PSAT1: variants seen among roughly 807,000 people sequenced by gnomAD.
PSAT1 encodes phosphoserine aminotransferase.
A neutral mutation model predicts 40.3 loss-of-function variants in PSAT1; 41 were observed. The observed-to-expected ratio is 1.02, with a 90% CI of 0.79 to 1.32. The LOEUF is 1.32. PSAT1 is among the 40% of genes most tolerant of loss of function. The pLI is 0.00. For missense variants in PSAT1, 406 were observed against 455.8 expected (o/e 0.89, Z 0.99); for synonymous variants, 147 against 170.5 (o/e 0.86, Z 1.07).
At chr9:78,302,824 C>T (rs1260817820) in intron 3 of PSAT1, among the ~76,000 whole-genome samples, 1 of 149,766 alleles carries the variant, frequency 6.7e-6, no homozygotes, top group African/African-American at 2.5e-5. Context: ...TTATTTTTAA[C>T]AGGCTCTTTG....
At chr9:78,307,297 G>C (rs1828198546) in intron 5 of PSAT1, among the ~76,000 whole-genome samples, 1 of 152,166 alleles carries the variant, frequency 6.6e-6, no homozygotes, top group African/African-American at 2.4e-5. Flanking sequence ...TGTACTATTT[G>C]TCCTTTTGTG....
At chr9:78,323,685 A>G (rs1828459603) in intron 7 of PSAT1, among the ~76,000 whole-genome samples, 1 of 152,238 alleles carries the variant, frequency 6.6e-6, no homozygotes, top group Non-Finnish European at 1.5e-5. Context: ...ACATGTGTAT[A>G]TCTAAAATGA....
chr9:78,310,196 C>T (rs565087809), intron 6 of PSAT1, among the ~76,000 whole-genome samples: 13 of 152,276 alleles, frequency 8.5e-5, no homozygotes, highest in African/African-American at 2.9e-4. Flanking sequence ...ATCCTCCCAA[C>T]TACCCTAGTA....
rs1420720400 is a variant in PSAT1, at chr9:78,300,585, C to G, written c.61-17C>G. On this transcript the variant is annotated splice_polypyrimidine_tract_variant and intron_variant, in intron 1 of 8. Transcript: ENST00000376588. Reference sequence around the variant, plus strand: ...GAACATATTTAAATAACCCTATTTTCCTTTATTTTTTTCTAGGTGTTGTTA... The same window carrying G: ...GAACATATTTAAATAACCCTATTTTGCTTTATTTTTTTCTAGGTGTTGTTA... 1.2e-6 allele frequency: 2 copies of G among 1,606,104 alleles called. No homozygotes were observed. Among genetic ancestry groups the G allele is most frequent in the African/African-American group, 2.7e-5 (2 of 74,394 alleles).
Position 78,304,859 on chromosome 9 carries a change from G to A in PSAT1, c.316G>A (p.Ala106Thr), listed in dbSNP as rs767276592. The A allele has an allele frequency of 3.7e-6, 6 of 1,614,160 alleles. No homozygotes were observed. The Middle Eastern group carries it at 5.0e-4, about 134-fold the overall frequency. The change falls in exon 4 of 9, where the codon GCT becomes ACT. Residue 106 changes from alanine to threonine, a missense_variant. Coordinates refer to ENST00000376588, the MANE Select transcript of PSAT1 (RefSeq NM_058179.4). Reference sequence around the variant, plus strand: ...GTGTGCTGACTATGTGGTGACAGGAGCTTGGTCAGCTAAGGCCGCAGAAGA... The same window carrying A: ...GTGTGCTGACTATGTGGTGACAGGAACTTGGTCAGCTAAGGCCGCAGAAGA... Reference protein sequence around the residue: ...GRCADYVVTGAWSAKAAEEAK... With the variant: ...GRCADYVVTGTWSAKAAEEAK...
At chr9:78,308,160 A>G (rs1381232798) in intron 5 of PSAT1, among the ~76,000 whole-genome samples, 1 of 152,218 alleles carries the variant, frequency 6.6e-6, no homozygotes, top group Non-Finnish European at 1.5e-5. Flanking sequence ...AATATGTGCC[A>G]GGACTTTGCA....
intron 6 of PSAT1, among the ~76,000 whole-genome samples, chr9:78,314,604 T>G (rs11137601): frequency 0.29 from 43,241 of 151,504 alleles, 6,339 homozygotes; most frequent in East Asian, 0.42. Flanking sequence ...GCCTCTTGTT[T>G]AGGCTTCATA....
At chr9:78,315,532 T>C (rs530688107) in intron 6 of PSAT1, among the ~76,000 whole-genome samples, 1 of 152,362 alleles carries the variant, frequency 6.6e-6, no homozygotes, top group East Asian at 1.9e-4. Context: ...GCTGTGGATA[T>C]TCTCAGGGGC....
intron 7 of PSAT1, among the ~76,000 whole-genome samples, chr9:78,327,430 G>A (rs1053228173): frequency 7.2e-5 from 11 of 152,078 alleles, no homozygotes; most frequent in African/African-American, 2.7e-4. Context: ...TTTTTAAATG[G>A]GCCACAAAAA....
chr9:78,329,466 T>G lies in PSAT1; in HGVS notation c.*380T>G. 1.3e-4 allele frequency: 35 copies of G among 266,904 alleles called. No homozygotes were observed. Among genetic ancestry groups the G allele is most frequent in the South Asian group, 2.8e-4 (7 of 24,772 alleles). The allele number at this position is 266,904 out of a possible 1,614,324, so 16.5% of individuals were successfully genotyped here. A position where few individuals can be genotyped will look rare whatever the true frequency, so the allele number is the denominator to read the frequency against. On this transcript the variant is annotated 3_prime_UTR_variant, in exon 9 of 9. Coordinates refer to ENST00000376588, the MANE Select transcript of PSAT1 (RefSeq NM_058179.4). ...CAGCACAGAGGGTAGGGGGGCCCTCTAGGTGCTGAATCTACACATCTGTGG... is the reference window on the plus strand; with the variant it reads ...CAGCACAGAGGGTAGGGGGGCCCTCGAGGTGCTGAATCTACACATCTGTGG...
chr9:78,324,083 G>A (rs4877586), intron 7 of PSAT1, among the ~76,000 whole-genome samples: 72,118 of 151,942 alleles, frequency 0.47, 18,311 homozygotes, highest in Non-Finnish European at 0.58. Context: ...GGAAAGTCCC[G>A]GTGTGTCCCT....
In PSAT1 at chr9:78,317,815, G is replaced by A. The variant is rs1349869060; in HGVS notation, c.869+11G>A. ...TCAAGGATTCTACGTGTAAGTCAAT[G>A]GATTTTATCTCCTATTTTGCCTCTT... On this transcript the variant is annotated intron_variant, in intron 7 of 8. Coordinates refer to ENST00000376588, the MANE Select transcript of PSAT1 (RefSeq NM_058179.4). 12 of 1,611,542 alleles carry A rather than the reference G, an allele frequency of 7.4e-6. 1 individual carries two copies. The South Asian group carries it at 1.2e-4, about 16-fold the overall frequency.
intron 7 of PSAT1, among the ~76,000 whole-genome samples, chr9:78,326,955 A>ATATATATATATATTTTTTTTTTTTT: frequency 1.3e-5 from 1 of 75,964 alleles, no homozygotes; most frequent in African/African-American, 9.5e-5. Context: ...ATATATATAT[A>ATATATATATATATTTTTTTTTTTTT]TTTTTTTTTT....
chr9:78,300,567 T>A (rs1388088696), intron 1 of PSAT1, 35 bp from the exon 2 acceptor site: 4 of 1,600,468 alleles, frequency 2.5e-6, no homozygotes, highest in Admixed American at 1.7e-5. Flanking sequence ...GCAGAACATA[T>A]TTAAATAACC....
intron 7 of PSAT1, among the ~76,000 whole-genome samples, chr9:78,318,490 T>C (rs1231745594): frequency 1.3e-5 from 2 of 152,230 alleles, no homozygotes; most frequent in Non-Finnish European, 2.9e-5. Context: ...ATTCTCACTC[T>C]TCTGGGGCCA....
At chr9:78,306,536 AG>A in intron 5 of PSAT1, 50 bp downstream of exon 5, 1 of 1,607,580 alleles carries the variant, frequency 6.2e-7, no homozygotes, top group East Asian at 2.2e-5. Context: ...CGGTGTCTGC[AG>A]GGACATTTTA....
chr9:78,300,760 G>A, intron 2 of PSAT1, 98 bp downstream of exon 2: 1 of 1,427,884 alleles, frequency 7.0e-7, no homozygotes, highest in South Asian at 1.5e-5. Flanking sequence ...CTGTCACCCA[G>A]GCTGGAGTAC....
At chr9:78,312,367 A>T (rs1362535769) in intron 6 of PSAT1, among the ~76,000 whole-genome samples, 1 of 152,190 alleles carries the variant, frequency 6.6e-6, no homozygotes, top group Admixed American at 6.5e-5. Flanking sequence ...AAAATACAAA[A>T]CAAATAGACC....
At chr9:78,319,020 A>G (rs1018490448) in intron 7 of PSAT1, among the ~76,000 whole-genome samples, 1 of 152,166 alleles carries the variant, frequency 6.6e-6, no homozygotes, top group African/African-American at 2.4e-5. Context: ...ACACATATAC[A>G]TAAATGCTTA....
Sources: allele counts gnomAD v4.1 joint callset (sites outside exome capture counted in the v4.1 genomes callset), GRCh38; gene constraint gnomAD v4.1.1; transcripts MANE v1.5; gene names NCBI Gene and HGNC (gene_info 2026-07-23, HGNC 2026-07-21).